Variants in DOCK11 observed in about 807,000 individuals in gnomAD.
DOCK11 encodes the protein dedicator of cytokinesis 11, also known as dedicator of cytokinesis protein 11.
In DOCK11, 70 loss-of-function variants were observed where a neutral mutation model predicts 169.1. That is an observed-to-expected ratio of 0.41 (90% CI 0.34 to 0.51). The LOEUF (loss-of-function observed/expected upper bound fraction) is 0.51, where lower values mean the gene tolerates loss of function less well. DOCK11 is among the 20% of genes least tolerant of loss of function. The probability of loss-of-function intolerance (pLI) is 0.10; values close to 1 mark genes in which losing one functional copy is unlikely to be tolerated. For synonymous variants in DOCK11, 529 were observed against 541.3 expected (o/e 0.98, Z 0.32); for missense variants, 1,166 against 1,538.8 (o/e 0.76, Z 4.05).
At chrX:118,613,307 G>T (rs2014729435) in intron 28 of DOCK11, among the ~76,000 whole-genome samples, 1 of 112,009 alleles carries the variant, frequency 8.9e-6, no homozygotes, top group Admixed American at 9.5e-5. Flanking sequence ...GGTGATGAGG[G>T]TCTTACCCTG....
chrX:118,599,367 G>T, intron 23 of DOCK11, 139 bp downstream of exon 23: 1 of 468,363 alleles, frequency 2.1e-6, no homozygotes, highest in Non-Finnish European at 3.6e-6. Flanking sequence ...TTTCTATGAT[G>T]TATTTTTCCA....
chrX:118,538,038 T>C (rs1044160127), intron 1 of DOCK11, among the ~76,000 whole-genome samples: 4 of 112,094 alleles, frequency 3.6e-5, no homozygotes, highest in African/African-American at 1.3e-4. Flanking sequence ...TTTATTTTAC[T>C]AGAGATAGAA....
intron 1 of DOCK11, among the ~76,000 whole-genome samples, chrX:118,500,240 G>A (rs753777161): frequency 9.1e-6 from 1 of 109,743 alleles, no homozygotes; most frequent in East Asian, 2.9e-4. Flanking sequence ...AGTAGAGACG[G>A]GGTTTCACCG....
At chrX:118,648,146 T>TTGTAATATTATATAATA in intron 40 of DOCK11, among the ~76,000 whole-genome samples, 1 of 60,015 alleles carries the variant, frequency 1.7e-5, no homozygotes, top group East Asian at 4.4e-4. Context: ...AATATATAAA[T>TTGTAATATTATATAATA]TAATATATAA....
chrX:118,681,677 C>T lies in DOCK11; in HGVS notation c.5863-17C>T, dbSNP rs1407052757. On this transcript the variant is annotated splice_polypyrimidine_tract_variant and intron_variant, in intron 50 of 52. Transcript: ENST00000276202. ...GCATTCTGGAAACACTCTCATTTTT[C>T]TTCTATTGTGATATAGGTCAATGCT... 57 of 1,093,816 alleles carry T rather than the reference C, an allele frequency of 5.2e-5. No homozygotes were observed. Among genetic ancestry groups the T allele is most frequent in the Non-Finnish European group, 6.7e-5 (55 of 826,518 alleles). The allele number at this position is 1,093,816 out of a possible 1,213,427, so 90.1% of individuals were successfully genotyped here. A position where few individuals can be genotyped will look rare whatever the true frequency, so the allele number is the denominator to read the frequency against.
chrX:118,578,055 G>T (rs1001521918), intron 12 of DOCK11, among the ~76,000 whole-genome samples: 9 of 112,232 alleles, frequency 8.0e-5, no homozygotes, highest in African/African-American at 2.9e-4. Context: ...CTTTGCATTG[G>T]AAGCACCAGA....
intron 44 of DOCK11, among the ~76,000 whole-genome samples, chrX:118,661,409 A>G (rs1038134846): frequency 7.2e-5 from 8 of 110,678 alleles, no homozygotes; most frequent in African/African-American, 2.6e-4. Flanking sequence ...GCCCTGATAT[A>G]TAACCTCTTT....
At chrX:118,675,377 G>A (rs2016584734) in intron 46 of DOCK11, among the ~76,000 whole-genome samples, 1 of 112,107 alleles carries the variant, frequency 8.9e-6, no homozygotes, top group Admixed American at 9.5e-5. Flanking sequence ...TTCCGATCCT[G>A]TAGAAAATAG....
intron 1 of DOCK11, among the ~76,000 whole-genome samples, chrX:118,510,969 A>G (rs2057647540): frequency 8.9e-6 from 1 of 112,332 alleles, no homozygotes; most frequent in Admixed American, 9.4e-5. Flanking sequence ...ACATAGAACA[A>G]AAGTTTCCTG....
chrX:118,575,962 C>G (rs772538324), intron 12 of DOCK11, among the ~76,000 whole-genome samples: 1 of 111,584 alleles, frequency 9.0e-6, no homozygotes, highest in East Asian at 2.8e-4. Context: ...CAACATTATT[C>G]CATCAGTGTC....
At chrX:118,497,100 T>A (rs188636376) in intron 1 of DOCK11, among the ~76,000 whole-genome samples, 236 of 112,836 alleles carry the variant, frequency 2.1e-3, no homozygotes, top group African/African-American at 6.8e-3. Flanking sequence ...GTGTTTGTTT[T>A]GTTACTTTGT....
Position 118,624,647 on chromosome X carries a change from C to T in DOCK11, c.3580C>T (p.Pro1194Ser). 1 of 1,175,812 alleles carries T rather than the reference C, an allele frequency of 8.5e-7. No homozygotes were observed. The highest frequency in any genetic ancestry group is 1.2e-6 in the Non-Finnish European group (1 of 866,520). The change falls in exon 32 of 53, where the codon CCT (proline) becomes TCT (serine). Residue 1194 changes from proline to serine, a missense_variant. Physicochemically the swap from Pro to Ser is moderately conservative, Grantham distance 74 (BLOSUM62 -1). Coordinates refer to ENST00000276202, the MANE Select transcript of DOCK11 (RefSeq NM_144658.4). ...TACCTTGTATTCTTGTGCAGCCATG[C>T]CTAATTCTGTAAGTAGTAATGTGTT... is the stretch of plus-strand genomic sequence containing the variant. The part of the protein sequence containing the change: ...RDTLYSCAAM[P>S]NSASRDEFPC...
chrX:118,633,101 C>T (rs1265381719), intron 35 of DOCK11: 1 of 110,128 alleles, frequency 9.1e-6, no homozygotes, highest in Non-Finnish European at 1.9e-5. Context: ...CTTATCGGCA[C>T]CATACCCTGC....
At chrX:118,507,441 C>T (rs1316562646) in intron 1 of DOCK11, among the ~76,000 whole-genome samples, 1 of 110,006 alleles carries the variant, frequency 9.1e-6, no homozygotes, top group Non-Finnish European at 1.9e-5. Context: ...CCTCCGCCTC[C>T]TGTGTTCAAG....
intron 28 of DOCK11, among the ~76,000 whole-genome samples, chrX:118,611,696 A>T (rs971219488): frequency 2.7e-5 from 3 of 112,608 alleles, no homozygotes; most frequent in Non-Finnish European, 5.6e-5. Flanking sequence ...TGTTATTGTC[A>T]GTATGTAAGT....
chrX:118,599,112 AT>A (rs1368024311), intron 22 of DOCK11, 26 bp from the exon 23 acceptor site: 2 of 1,155,203 alleles, frequency 1.7e-6, no homozygotes, highest in Non-Finnish European at 2.4e-6. Context: ...ATCAAATTTC[AT>A]ATGGCTGTTT....
chrX:118,648,582 AATATATAAT>A (rs199563394), intron 40 of DOCK11, among the ~76,000 whole-genome samples: 13,573 of 97,423 alleles, frequency 0.14, 830 homozygotes, highest in Non-Finnish European at 0.16. Context: ...CATATATATA[AATATATAAT>A]ATATATAATA....
chrX:118,571,219 A>G (rs1020291423), intron 10 of DOCK11, among the ~76,000 whole-genome samples: 2 of 111,336 alleles, frequency 1.8e-5, no homozygotes, highest in Non-Finnish European at 3.8e-5. Flanking sequence ...CACCACAAAC[A>G]CAACACATCC....
At chrX:118,512,031 A>G (rs1479192891) in intron 1 of DOCK11, among the ~76,000 whole-genome samples, 1 of 112,124 alleles carries the variant, frequency 8.9e-6, no homozygotes. Context: ...CTCCTGCCTC[A>G]GCCTCCCGAG....
Sources: gnomAD v4.1 joint callset for allele counts (sites outside exome capture counted in the v4.1 genomes callset) on GRCh38, gnomAD v4.1.1 for gene constraint, MANE v1.5 for transcripts, NCBI Gene and HGNC (gene_info 2026-07-23, HGNC 2026-07-21) for gene names.